The following SLC4A4 variants were observed in gnomAD, a reference collection of about 807,000 sequenced individuals.
SLC4A4 encodes the protein electrogenic sodium bicarbonate cotransporter 1.
A neutral mutation model predicts 111.5 loss-of-function variants in SLC4A4; 27 were observed. That is an observed-to-expected ratio of 0.24 (90% CI 0.18 to 0.33). The LOEUF is 0.33. SLC4A4 is among the 10% of genes least tolerant of loss of function. The pLI is 1.00. For synonymous variants in SLC4A4, 443 were observed against 463.4 expected, an observed-to-expected ratio of 0.96 and a Z score of 0.57; for missense variants, 909 against 1,315.5, an observed-to-expected ratio of 0.69 and a Z score of 4.78.
At chr4:71,364,453 A>G (rs192392194) in intron 6 of SLC4A4, among the ~76,000 whole-genome samples, 1 of 152,320 alleles carries the variant, frequency 6.6e-6, no homozygotes, top group East Asian at 1.9e-4. Context: ...TGGGTAATTT[A>G]AAACAATAGA....
At position 71,328,384 on chromosome 4, in the gene SLC4A4, T is replaced by C. The variant is rs188621848; in HGVS notation, c.254-10986T>C. Among the ~76,000 whole-genome samples the C allele has an allele frequency of 1.7e-3, 266 of 152,176 alleles. 1 individual carries two copies. Among genetic ancestry groups the C allele is most frequent in the African/African-American group, 5.8e-3 (243 of 41,552 alleles). The stretch of plus-strand genomic sequence containing the variant: ...GCTGGATCTTATGGTAGTTTTGTTT[T>C]TGGTTTTTTGAGAAACTTCCACGCT... On this transcript the variant is annotated intron_variant, in intron 3 of 25. Transcript: ENST00000264485.
At chr4:71,411,233 C>A (rs547681507) in intron 7 of SLC4A4, among the ~76,000 whole-genome samples, 2 of 152,168 alleles carry the variant, frequency 1.3e-5, no homozygotes, top group African/African-American at 4.8e-5. Flanking sequence ...ATGGCAGTCT[C>A]CCTCCTACCT....
intron 8 of SLC4A4, among the ~76,000 whole-genome samples, chr4:71,441,937 T>G (rs1239459800): frequency 6.6e-6 from 1 of 152,174 alleles, no homozygotes; most frequent in Non-Finnish European, 1.5e-5. Context: ...GCTTTTTGCT[T>G]GAAAACATTC....
At chr4:71,500,902 T>G (rs1730862846) in intron 16 of SLC4A4, among the ~76,000 whole-genome samples, 2 of 152,226 alleles carry the variant, frequency 1.3e-5, no homozygotes, top group South Asian at 4.1e-4. Context: ...TGCTTCCAGC[T>G]TTCCTCTTTT....
At chr4:71,267,367 G>A (rs1182022870) in intron 3 of SLC4A4, among the ~76,000 whole-genome samples, 1 of 152,050 alleles carries the variant, frequency 6.6e-6, no homozygotes, top group African/African-American at 2.4e-5. Flanking sequence ...GGTGAAGGCT[G>A]TAAGTGAAAA....
At chr4:71,522,076 TC>T (rs1260279281) in intron 16 of SLC4A4, among the ~76,000 whole-genome samples, 3 of 152,164 alleles carry the variant, frequency 2.0e-5, no homozygotes, top group African/African-American at 7.2e-5. Context: ...ATTAGACAGT[TC>T]TACAGAGCCC....
intron 1 of SLC4A4, among the ~76,000 whole-genome samples, chr4:71,085,564 A>T (rs956718254): frequency 6.6e-6 from 1 of 152,000 alleles, no homozygotes; most frequent in Non-Finnish European, 1.5e-5. Context: ...CTTTAATCCA[A>T]CTTGAATTAA....
chr4:71,218,295 G>T (rs1013795157), intron 1 of SLC4A4, among the ~76,000 whole-genome samples: 1 of 152,134 alleles, frequency 6.6e-6, no homozygotes, highest in Non-Finnish European at 1.5e-5. Context: ...CTTAGAGTTG[G>T]TTTGTCTCAA....
chr4:71,162,613 T>G (rs1431890903), intron 2 of SLC4A4, among the ~76,000 whole-genome samples: 1 of 152,198 alleles, frequency 6.6e-6, no homozygotes, highest in Non-Finnish European at 1.5e-5. Context: ...CACTAATGAA[T>G]GTAGACCACA....
chr4:71,532,650 C>T (rs1195370290), intron 17 of SLC4A4, among the ~76,000 whole-genome samples: 5 of 152,030 alleles, frequency 3.3e-5, no homozygotes, highest in Non-Finnish European at 5.9e-5. Flanking sequence ...GTGCTGTAGG[C>T]ACATACCACC....
intron 7 of SLC4A4, among the ~76,000 whole-genome samples, chr4:71,428,865 C>T (rs868190183): frequency 1.3e-5 from 2 of 151,824 alleles, no homozygotes; most frequent in African/African-American, 2.4e-5. Context: ...GCAAAAAGAA[C>T]GAGAAAGTAT....
At chr4:71,142,384 T>C (rs1744022326) in intron 2 of SLC4A4, among the ~76,000 whole-genome samples, 1 of 152,218 alleles carries the variant, frequency 6.6e-6, no homozygotes, top group Middle Eastern at 3.2e-3. Context: ...GCTAAAGTAA[T>C]CTTTCTGGGA....
At chr4:71,499,795 T>A (rs1730741296) in intron 16 of SLC4A4, among the ~76,000 whole-genome samples, 1 of 152,200 alleles carries the variant, frequency 6.6e-6, no homozygotes, top group Non-Finnish European at 1.5e-5. Flanking sequence ...TATTCCACTG[T>A]TTATATGTGC....
At chr4:71,274,333 G>A (rs1722917287) in intron 3 of SLC4A4, among the ~76,000 whole-genome samples, 1 of 152,102 alleles carries the variant, frequency 6.6e-6, no homozygotes, top group Non-Finnish European at 1.5e-5. Context: ...GGGTGACAGA[G>A]GAAGAAGAAA....
At chr4:71,181,028 T>C (rs976354517) in intron 2 of SLC4A4, among the ~76,000 whole-genome samples, 3 of 151,998 alleles carry the variant, frequency 2.0e-5, no homozygotes, top group Non-Finnish European at 4.4e-5. Context: ...TGGAATACTA[T>C]GCAGCCATAA....
chr4:71,111,402 C>T (rs1165747850), intron 2 of SLC4A4, among the ~76,000 whole-genome samples: 4 of 152,120 alleles, frequency 2.6e-5, no homozygotes, highest in African/African-American at 7.2e-5. Context: ...GCTCTTGTCA[C>T]CCAGGCTGGA....
At chr4:71,205,898 G>T (rs1717731522) in intron 1 of SLC4A4, among the ~76,000 whole-genome samples, 2 of 152,170 alleles carry the variant, frequency 1.3e-5, no homozygotes, top group African/African-American at 4.8e-5. Context: ...TCAGTCATGG[G>T]ACTTTCTTAC....
intron 1 of SLC4A4, chr4:71,236,211 C>G: frequency 1.8e-6 from 2 of 1,092,142 alleles, no homozygotes; most frequent in Non-Finnish European, 2.2e-6. Context: ...GCACTCCAGA[C>G]ACACCAAACT....
intron 2 of SLC4A4, among the ~76,000 whole-genome samples, chr4:71,174,328 C>A (rs966629992): frequency 6.6e-6 from 1 of 151,540 alleles, no homozygotes; most frequent in East Asian, 1.9e-4. Context: ...CAGCTCACTG[C>A]AGTCTCTGCT....
Sources: allele counts gnomAD v4.1 joint callset (sites outside exome capture counted in the v4.1 genomes callset), GRCh38; gene constraint gnomAD v4.1.1; transcripts MANE v1.5; gene names NCBI Gene and HGNC (gene_info 2026-07-23, HGNC 2026-07-21).